The following DTNA variants were observed in gnomAD, a reference collection of about 807,000 sequenced individuals.
DTNA encodes the protein dystrobrevin alpha, also known as dystrophin-related protein 3.
In DTNA, 43 loss-of-function variants were observed where a neutral mutation model predicts 100.7. The ratio of observed to expected loss-of-function variants is 0.43; its 90% CI spans 0.33 to 0.55. The LOEUF (loss-of-function observed/expected upper bound fraction) is 0.55. Ranked by LOEUF, DTNA falls within the 20% of genes least tolerant of loss-of-function variation. The pLI is 0.04. For synonymous variants in DTNA, 349 were observed against 347.9 expected, an observed-to-expected ratio of 1.00 and a Z score of -0.04; for missense variants, 798 against 953.9, an observed-to-expected ratio of 0.84 and a Z score of 2.15.
Position 34,852,344 on chromosome 18 carries a change from T to C in DTNA, c.1532+416T>C, listed in dbSNP as rs139156434. Among the ~76,000 whole-genome samples, 1,231 of 152,084 alleles carry C rather than the reference T, an allele frequency of 8.1e-3. 17 individuals carry two copies. The highest frequency in any genetic ancestry group is 0.027 in the African/African-American group (1,105 of 41,488). Reference sequence around the variant, plus strand: ...AAGGACCCTGAGCTAAAGAGGCATCTGGAGAGACACCACCATCACCCAGTT... The same window carrying C: ...AAGGACCCTGAGCTAAAGAGGCATCCGGAGAGACACCACCATCACCCAGTT... On this transcript the variant is annotated intron_variant, in intron 15 of 22. Coordinates refer to ENST00000444659, the MANE Select transcript of DTNA (RefSeq NM_001386795.1).
At chr18:34,582,254 A>T (rs1447184424) in intron 1 of DTNA, among the ~76,000 whole-genome samples, 1 of 151,896 alleles carries the variant, frequency 6.6e-6, no homozygotes, top group East Asian at 1.9e-4. Context: ...CCCCTACATC[A>T]CATCCCCACA....
chr18:34,509,570 A>G (rs544954440), intron 1 of DTNA, among the ~76,000 whole-genome samples: 2 of 152,264 alleles, frequency 1.3e-5, no homozygotes, highest in South Asian at 4.1e-4. Context: ...AATGATGCTA[A>G]ATACCCTTTA....
rs772094744 is a variant in DTNA at position 34,877,738 on chromosome 18, G to A, written c.1923G>A (p.Arg641=). 1.2e-6 allele frequency: 2 copies of A among 1,613,830 alleles called. No individual in the cohort carries two copies. Among genetic ancestry groups the A allele is most frequent in the South Asian group, 2.2e-5 (2 of 91,056 alleles). Residue 641 remains arginine, a synonymous_variant, in exon 19 of 23, where the codon AGG becomes AGA. Transcript: ENST00000444659. ...CTGAAGGTTCAAGAAGAAACTTAAG[G>A]AATGACTTGCTAGTGGCTGCAGATT... The part of the protein sequence containing the change: ...AFAQSSRRNL[R]NDLLVAADSI...
intron 13 of DTNA, among the ~76,000 whole-genome samples, chr18:34,839,514 T>C (rs2096225823): frequency 6.6e-6 from 1 of 152,174 alleles, no homozygotes; most frequent in South Asian, 2.1e-4. Flanking sequence ...ACTCCTTCCA[T>C]TGGTTAAAGT....
At chr18:34,751,088 G>A (rs1356272531) in intron 1 of DTNA, among the ~76,000 whole-genome samples, 1 of 152,176 alleles carries the variant, frequency 6.6e-6, no homozygotes, top group African/African-American at 2.4e-5. Context: ...CTGAAGAAGG[G>A]TGACTTGGTG....
At chr18:34,745,782 A>C (rs2091475660) in intron 1 of DTNA, among the ~76,000 whole-genome samples, 1 of 152,170 alleles carries the variant, frequency 6.6e-6, no homozygotes, top group South Asian at 2.1e-4. Context: ...ATTCTCACCA[A>C]ATCCTGACTT....
intron 1 of DTNA, among the ~76,000 whole-genome samples, chr18:34,634,936 C>G (rs1209829635): frequency 6.6e-6 from 1 of 152,120 alleles, no homozygotes; most frequent in Non-Finnish European, 1.5e-5. Flanking sequence ...ATCATCAGTG[C>G]AAATGGTAAC....
At chr18:34,587,466 A>G (rs1241524216) in intron 1 of DTNA, among the ~76,000 whole-genome samples, 1 of 152,004 alleles carries the variant, frequency 6.6e-6, no homozygotes, top group East Asian at 1.9e-4. Flanking sequence ...TTCTCAATAT[A>G]AAATAATTAA....
At chr18:34,560,523 G>A (rs1221801253) in intron 1 of DTNA, among the ~76,000 whole-genome samples, 1 of 152,144 alleles carries the variant, frequency 6.6e-6, no homozygotes, top group Non-Finnish European at 1.5e-5. Context: ...GATGTTCATT[G>A]AGATGAGTTT....
intron 1 of DTNA, among the ~76,000 whole-genome samples, chr18:34,510,095 T>TGTGTGG (rs1476192393): frequency 3.9e-5 from 2 of 51,716 alleles, no homozygotes. Flanking sequence ...GTGTGTGTGG[T>TGTGTGG]TTTTTTGGTT....
chr18:34,746,222 A>G (rs1171324438), intron 1 of DTNA, among the ~76,000 whole-genome samples: 1 of 151,582 alleles, frequency 6.6e-6, no homozygotes, highest in Non-Finnish European at 1.5e-5. Context: ...GTTTTTTTTC[A>G]TTTATACCTA....
intron 1 of DTNA, among the ~76,000 whole-genome samples, chr18:34,577,649 A>G: frequency 6.6e-6 from 1 of 152,080 alleles, no homozygotes; most frequent in Admixed American, 6.5e-5. Context: ...TTGCATCCTC[A>G]TAGCTTAGGT....
chr18:34,795,334 T>A (rs539889153), intron 4 of DTNA, among the ~76,000 whole-genome samples: 1 of 152,336 alleles, frequency 6.6e-6, no homozygotes, highest in South Asian at 2.1e-4. Context: ...GTTTTTCCAG[T>A]GTGCATTATT....
intron 1 of DTNA, among the ~76,000 whole-genome samples, chr18:34,530,923 T>A (rs1286111517): frequency 2.6e-5 from 4 of 152,132 alleles, no homozygotes; most frequent in African/African-American, 9.7e-5. Context: ...GCAGCCTCTC[T>A]TCTTCTTCCC....
At chr18:34,883,889 G>C (rs1419607926) in intron 21 of DTNA, among the ~76,000 whole-genome samples, 2 of 152,188 alleles carry the variant, frequency 1.3e-5, no homozygotes, top group African/African-American at 4.8e-5. Context: ...CCATACCAAA[G>C]AAAGAGGGTA....
At chr18:34,546,925 G>T (rs1450979198) in intron 1 of DTNA, among the ~76,000 whole-genome samples, 1 of 151,776 alleles carries the variant, frequency 6.6e-6, no homozygotes, top group African/African-American at 2.4e-5. Context: ...TGGCCAGACT[G>T]GTCTGGAACT....
intron 1 of DTNA, among the ~76,000 whole-genome samples, chr18:34,498,689 G>T (rs998536302): frequency 6.6e-6 from 1 of 151,756 alleles, no homozygotes; most frequent in African/African-American, 2.4e-5. Flanking sequence ...AACCAAATTG[G>T]GTTTTCTGAA....
In DTNA at chr18:34,879,739, A is replaced by T. The variant is rs1228211294; in HGVS notation, c.2162+20A>T. The T allele has an allele frequency of 6.2e-7, 1 of 1,613,840 alleles. No homozygotes were observed. Among genetic ancestry groups the T allele is most frequent in the Non-Finnish European group, 8.5e-7 (1 of 1,179,886 alleles). ...CGACATGTGAGTATCTTCCGCTTGG[A>T]AGCATTTTCTCAGTAACAAAACAAT... On this transcript the variant is annotated intron_variant, in intron 20 of 22. Transcript: ENST00000444659.
intron 15 of DTNA, among the ~76,000 whole-genome samples, chr18:34,857,848 C>A (rs753841233): frequency 6.6e-6 from 1 of 152,202 alleles, no homozygotes; most frequent in Non-Finnish European, 1.5e-5. Flanking sequence ...TCCCTTCAGG[C>A]TCCTCTTACT....
Sources: gnomAD v4.1 joint callset for allele counts (sites outside exome capture counted in the v4.1 genomes callset) on GRCh38, gnomAD v4.1.1 for gene constraint, MANE v1.5 for transcripts, NCBI Gene and HGNC (gene_info 2026-07-23, HGNC 2026-07-21) for gene names.